Variants in SLC43A2 observed in about 807,000 individuals in gnomAD.
SLC43A2 encodes solute carrier family 43 member 2, also known as large neutral amino acids transporter small subunit 4.
A neutral mutation model predicts 63.2 loss-of-function variants in SLC43A2; 38 were observed. That is an observed-to-expected ratio of 0.60 (90% confidence interval 0.46 to 0.79). The LOEUF (loss-of-function observed/expected upper bound fraction) is 0.79. Ranked by LOEUF, SLC43A2 falls within the 30% of genes least tolerant of loss-of-function variation. SLC43A2 has a pLI of 0.00. For missense variants in SLC43A2, 644 were observed against 756.2 expected, an observed-to-expected ratio of 0.85 and a Z score of 1.74; for synonymous variants, 322 against 331.0, an observed-to-expected ratio of 0.97 and a Z score of 0.30.
chr17:1,599,086 C>T (rs766476080), intron 5 of SLC43A2, among the ~76,000 whole-genome samples: 13 of 152,176 alleles, frequency 8.5e-5, no homozygotes, highest in Non-Finnish European at 1.5e-4. Flanking sequence ...CGGTGGCTCA[C>T]GCCTGTAATC....
At chr17:1,623,863 TACCCTCCTCTCCTCCA>T (rs1164609186) in intron 2 of SLC43A2, among the ~76,000 whole-genome samples, 9 of 150,644 alleles carry the variant, frequency 6.0e-5, no homozygotes, top group African/African-American at 9.7e-5. Flanking sequence ...CTCCAGGGTG[TACCCTCCTCTCCTCCA>T]GGGTGTACCC....
chr17:1,576,826 GTGC>G, intron 12 of SLC43A2, 106 bp from the exon 13 acceptor site: 1 of 1,417,868 alleles, frequency 7.1e-7, no homozygotes, highest in South Asian at 1.3e-5. Flanking sequence ...GAAGGGTGGG[GTGC>G]CAGCCCTCGG....
At chr17:1,616,893 G>A (rs777685756) in intron 2 of SLC43A2, 124 bp from the exon 3 acceptor site, 100 of 1,077,678 alleles carry the variant, frequency 9.3e-5, no homozygotes, top group Non-Finnish European at 1.2e-4. Flanking sequence ...GCGGCCTCTC[G>A]AGGGCTCAGG....
chr17:1,590,735 G>C (rs1904678410), intron 9 of SLC43A2, 67 bp downstream of exon 9: 39 of 1,538,440 alleles, frequency 2.5e-5, no homozygotes, highest in Non-Finnish European at 3.4e-5. Flanking sequence ...ACACATTCTG[G>C]CCGGTGGCCA....
At chr17:1,586,988 G>T in intron 9 of SLC43A2, 1 of 1,221,306 alleles carries the variant, frequency 8.2e-7, no homozygotes, top group South Asian at 1.6e-5. Flanking sequence ...AAGTGAAAAA[G>T]CAGAAAGAAG....
rs1341309111 is a variant in SLC43A2 at position 1,573,292 on chromosome 17, CAG to C, written c.*2310_*2311del. 4 of 152,020 alleles carry C rather than the reference CAG, an allele frequency of 2.6e-5. No individual in the cohort carries two copies. The highest frequency in any genetic ancestry group is 7.3e-5 in the African/African-American group (3 of 41,358). 9.4% of individuals were successfully genotyped at this position (152,020 alleles called of 1,614,324 possible). On this transcript the variant is annotated 3_prime_UTR_variant, in exon 14 of 14. Transcript: ENST00000301335. The stretch of plus-strand genomic sequence containing the variant: ...GATGGCGGGTCTCAAATGCTGGCAG[CAG>C]AGTCACCGGTCAGCGGCAAGACCTG...
chr17:1,613,105 T>A, intron 5 of SLC43A2, 90 bp downstream of exon 5: 1 of 1,200,200 alleles, frequency 8.3e-7, no homozygotes, highest in Non-Finnish European at 1.2e-6. Flanking sequence ...TGCAGGCACA[T>A]GGAAGGCAAG....
At position 1,605,679 on chromosome 17, in the gene SLC43A2, A is replaced by G. The variant is rs567850249; in HGVS notation, c.501+7516T>C. 7.9e-5 allele frequency among the ~76,000 whole-genome samples: 12 copies of G among 152,176 alleles called. No homozygotes were observed. Among genetic ancestry groups the G allele is most frequent in the African/African-American group, 2.6e-4 (11 of 41,524 alleles). On this transcript the variant is annotated intron_variant, in intron 5 of 13. Transcript: ENST00000301335. This position sits in a 1 kb window ranked among gnomAD's most constrained non-coding sequence, Gnocchi z 4.9. ...CCCTCCAGAGGGAGCCTTGTCCCCA[A>G]GTGGCTGGAGTACACACCCAGAGTT...
At chr17:1,586,567 CA>C (rs2076105539) in intron 9 of SLC43A2, among the ~76,000 whole-genome samples, 1 of 152,062 alleles carries the variant, frequency 6.6e-6, no homozygotes, top group African/African-American at 2.4e-5. Context: ...TGGTGGCAGG[CA>C]CCTGTAACCC....
chr17:1,580,984 G>GC (rs904484242), intron 11 of SLC43A2, among the ~76,000 whole-genome samples: 36 of 152,170 alleles, frequency 2.4e-4, no homozygotes, highest in African/African-American at 8.7e-4. Context: ...TCTGTGGGAG[G>GC]CCCCCTGCCC....
At position 1,607,461 on chromosome 17, in the gene SLC43A2, G is replaced by C. The variant is rs150137094; in HGVS notation, c.501+5734C>G. Among the ~76,000 whole-genome samples, 387 of 152,288 alleles carry C rather than the reference G, an allele frequency of 2.5e-3. 1 individual carries two copies. Among genetic ancestry groups the C allele is most frequent in the Non-Finnish European group, 3.9e-3 (267 of 68,024 alleles). On this transcript the variant is annotated intron_variant, in intron 5 of 13. Transcript: ENST00000301335. ...TCACTGACCTCATTTCCCTTTTGGGGTCTGTTCTCAAGGAGCAGGCACTGG... is the reference window on the plus strand; with the variant it reads ...TCACTGACCTCATTTCCCTTTTGGGCTCTGTTCTCAAGGAGCAGGCACTGG...
chr17:1,629,815 A>G (rs1375102292), upstream of SLC43A2, among the ~76,000 whole-genome samples: 1 of 152,168 alleles, frequency 6.6e-6, no homozygotes, highest in Non-Finnish European at 1.5e-5. Flanking sequence ...TCCCCGTCTG[A>G]TAAGCCCGGG....
intron 2 of SLC43A2, among the ~76,000 whole-genome samples, chr17:1,624,150 A>G (rs899420408): frequency 9.9e-5 from 15 of 152,246 alleles, no homozygotes; most frequent in African/African-American, 3.4e-4. Flanking sequence ...AACGATCCAC[A>G]TGTAGGCCTG....
chr17:1,609,721 T>C (rs1906924709), intron 5 of SLC43A2, among the ~76,000 whole-genome samples: 1 of 150,882 alleles, frequency 6.6e-6, no homozygotes, highest in Admixed American at 6.6e-5. Flanking sequence ...TAAAGAATAA[T>C]ATACAGAACT....
At chr17:1,595,212 C>T (rs1215796441) in intron 5 of SLC43A2, among the ~76,000 whole-genome samples, 4 of 151,286 alleles carry the variant, frequency 2.6e-5, no homozygotes, top group East Asian at 2.0e-4. Context: ...ACCCGGGAGG[C>T]GGAGCTTGCA....
intron 2 of SLC43A2, among the ~76,000 whole-genome samples, chr17:1,617,319 G>A (rs549323471): frequency 1.5e-4 from 23 of 152,236 alleles, no homozygotes; most frequent in African/African-American, 4.8e-4. Context: ...AGACTGCGGC[G>A]CCTCCTTCAA....
chr17:1,627,652 ATCCC>A, intron 2 of SLC43A2, 59 bp downstream of exon 2: 1 of 227,124 alleles, frequency 4.4e-6, no homozygotes, highest in Non-Finnish European at 8.5e-6. Flanking sequence ...CTTCGCCCCC[ATCCC>A]GCCCCCTCCC....
intron 9 of SLC43A2, chr17:1,586,818 A>T (rs1273342975): frequency 4.4e-6 from 4 of 902,940 alleles, no homozygotes; most frequent in Non-Finnish European, 6.3e-6. Flanking sequence ...TGATTGCCCC[A>T]GTTTTACCCC....
chr17:1,604,958 T>C, intron 5 of SLC43A2: 1 of 1,493,862 alleles, frequency 6.7e-7, no homozygotes, highest in Non-Finnish European at 8.9e-7. Context: ...GGCTGAGCGC[T>C]GAGCAGAGCG....
Sources: gnomAD v4.1 joint callset for allele counts (sites outside exome capture counted in the v4.1 genomes callset) on GRCh38, gnomAD v4.1.1 for gene constraint, Gnocchi (gnomAD v3.1) non-coding constraint, MANE v1.5 for transcripts, NCBI Gene and HGNC (gene_info 2026-07-23, HGNC 2026-07-21) for gene names.